The following ROBO2 variants were observed in gnomAD, a reference collection of about 807,000 sequenced individuals.
ROBO2 encodes roundabout guidance receptor 2.
ROBO2 carries 53 observed loss-of-function variants against 160.8 expected under a neutral mutation model. The ratio of observed to expected loss-of-function variants is 0.33; its 90% confidence interval spans 0.26 to 0.41. The LOEUF is 0.41. ROBO2 is among the 10% of genes least tolerant of loss of function. The pLI, the probability that ROBO2 is intolerant of heterozygous loss-of-function variation, is 1.00. For synonymous variants in ROBO2, 664 were observed against 611.7 expected, an observed-to-expected ratio of 1.09 and a Z score of -1.26; for missense variants, 1,577 against 1,722.4, an observed-to-expected ratio of 0.92 and a Z score of 1.49.
At chr3:76,369,567 G>A (rs564780000) in intron 2 of ROBO2, among the ~76,000 whole-genome samples, 1 of 152,036 alleles carries the variant, frequency 6.6e-6, no homozygotes, top group South Asian at 2.1e-4. Context: ...TCTCTGAGTA[G>A]ATAGATGCTT....
chr3:76,919,396 C>T (rs982624916), intron 2 of ROBO2, among the ~76,000 whole-genome samples: 31 of 152,078 alleles, frequency 2.0e-4, no homozygotes, highest in African/African-American at 7.0e-4. Flanking sequence ...AGGGTTAGCA[C>T]ATATAGAGCT....
chr3:77,478,113 C>G (rs1201024331), intron 3 of ROBO2, among the ~76,000 whole-genome samples: 1 of 152,120 alleles, frequency 6.6e-6, no homozygotes, highest in Non-Finnish European at 1.5e-5. Context: ...GCGTGAGCCA[C>G]CACACCCAGC....
chr3:77,076,037 T>C (rs2067964563), intron 1 of ROBO2, among the ~76,000 whole-genome samples: 1 of 151,866 alleles, frequency 6.6e-6, no homozygotes, highest in Admixed American at 6.6e-5. Flanking sequence ...ATTACTGTTC[T>C]TTGCTGAGGT....
chr3:77,194,064 A>C (rs1258590865), intron 2 of ROBO2, among the ~76,000 whole-genome samples: 1 of 152,226 alleles, frequency 6.6e-6, no homozygotes, highest in African/African-American at 2.4e-5. Context: ...GTGAGATGAC[A>C]GTTGATGACA....
At chr3:76,653,138 C>T (rs1393160232) in intron 2 of ROBO2, among the ~76,000 whole-genome samples, 1 of 151,920 alleles carries the variant, frequency 6.6e-6, no homozygotes, top group East Asian at 1.9e-4. Flanking sequence ...CACATCCTAC[C>T]ATCTTCCCTT....
At chr3:77,232,655 A>G (rs2087382143) in intron 2 of ROBO2, among the ~76,000 whole-genome samples, 1 of 152,158 alleles carries the variant, frequency 6.6e-6, no homozygotes, top group African/African-American at 2.4e-5. Flanking sequence ...AAGGGATGGT[A>G]ATTGTTGGAG....
chr3:76,161,739 T>C (rs1360662088), intron 2 of ROBO2, among the ~76,000 whole-genome samples: 1 of 152,186 alleles, frequency 6.6e-6, no homozygotes, highest in Non-Finnish European at 1.5e-5. Context: ...TTTCCCATGG[T>C]GTGCTTGGTT....
intron 2 of ROBO2, among the ~76,000 whole-genome samples, chr3:76,501,694 T>C (rs2080470502): frequency 6.6e-6 from 1 of 152,240 alleles, no homozygotes; most frequent in Admixed American, 6.5e-5. Context: ...TCCTACACTG[T>C]ATTTTCTCTT....
chr3:77,175,569 A>C (rs142491329), intron 2 of ROBO2, among the ~76,000 whole-genome samples: 1,686 of 152,130 alleles, frequency 0.011, 16 homozygotes, highest in Middle Eastern at 0.017. Flanking sequence ...TGTGAAATGG[A>C]TAATCATTTA....
At chr3:76,622,282 GA>G (rs1266256800) in intron 2 of ROBO2, among the ~76,000 whole-genome samples, 2 of 89,694 alleles carry the variant, frequency 2.2e-5, no homozygotes, top group Admixed American at 1.1e-4. Flanking sequence ...AAGAAAGAAA[GA>G]AAGAAAGAAA....
intron 1 of ROBO2, among the ~76,000 whole-genome samples, chr3:77,073,017 G>T (rs2067582206): frequency 6.6e-6 from 1 of 152,154 alleles, no homozygotes; most frequent in Non-Finnish European, 1.5e-5. Context: ...AAATAAATCT[G>T]CTAGGCCTTT....
At chr3:76,377,632 C>T (rs1358816048) in intron 2 of ROBO2, among the ~76,000 whole-genome samples, 2 of 152,140 alleles carry the variant, frequency 1.3e-5, no homozygotes, top group Non-Finnish European at 2.9e-5. Context: ...TCAGCGAATG[C>T]TCTCCCTATG....
chr3:76,351,269 A>C (rs947838311), intron 2 of ROBO2, among the ~76,000 whole-genome samples: 10 of 152,000 alleles, frequency 6.6e-5, no homozygotes, highest in African/African-American at 2.2e-4. Flanking sequence ...AATATTAAAA[A>C]GCACAATACT....
At chr3:77,399,853 C>T (rs2075633955) in intron 2 of ROBO2, among the ~76,000 whole-genome samples, 1 of 152,042 alleles carries the variant, frequency 6.6e-6, no homozygotes, top group Non-Finnish European at 1.5e-5. Context: ...CCCCAGAAAC[C>T]CTAAGTAACC....
intron 2 of ROBO2, among the ~76,000 whole-genome samples, chr3:76,239,690 A>G (rs1705173163): frequency 6.6e-6 from 1 of 152,198 alleles, no homozygotes; most frequent in African/African-American, 2.4e-5. Context: ...TCAAGATTAC[A>G]AATTAAAGTC....
intron 2 of ROBO2, among the ~76,000 whole-genome samples, chr3:76,953,213 G>T (rs1470269978): frequency 6.6e-6 from 1 of 152,078 alleles, no homozygotes; most frequent in Non-Finnish European, 1.5e-5. Flanking sequence ...CATCTTGAAG[G>T]TCGCACACAC....
chr3:76,129,009 G>A lies in ROBO2; in HGVS notation c.109+191407G>A, dbSNP rs1159698527. ...GATATGGATAAATCCTTTGCTGTGA[G>A]GTTATACTCTATGAATAAACATAGA... On this transcript the variant is annotated intron_variant, in intron 2 of 26. Coordinates refer to the ROBO2 transcript ENST00000487694. Among the ~76,000 whole-genome samples the A allele has an allele frequency of 2.0e-5, 3 of 151,686 alleles. No homozygotes were observed. The East Asian group carries it at 5.8e-4, about 29-fold the overall frequency.
At chr3:76,939,978 G>GGTTTTT (rs2078048454) in intron 2 of ROBO2, among the ~76,000 whole-genome samples, 1 of 81,458 alleles carries the variant, frequency 1.2e-5, no homozygotes, top group Non-Finnish European at 2.4e-5. Flanking sequence ...AAAGCAACAG[G>GGTTTTT]ATTTTTTTTT....
intron 2 of ROBO2, among the ~76,000 whole-genome samples, chr3:76,087,078 G>GA (rs1553738025): frequency 2.6e-5 from 4 of 151,750 alleles, no homozygotes; most frequent in African/African-American, 7.3e-5. Context: ...AATACAAGAA[G>GA]AAGAAAGAAA....
Sources: gnomAD v4.1 joint callset for allele counts (sites outside exome capture counted in the v4.1 genomes callset) on GRCh38, gnomAD v4.1.1 for gene constraint, MANE v1.5 for transcripts, NCBI Gene and HGNC (gene_info 2026-07-23, HGNC 2026-07-21) for gene names.